MERTK: variants seen among roughly 807,000 people sequenced by gnomAD.
MERTK encodes tyrosine-protein kinase Mer.
MERTK carries 69 observed loss-of-function variants against 99.3 expected under a neutral mutation model. The observed-to-expected ratio is 0.70, with a 90% CI of 0.57 to 0.85. The LOEUF is 0.85. MERTK is among the 40% of genes least tolerant of loss of function. The pLI, the probability that MERTK is intolerant of heterozygous loss-of-function variation, is 0.00. For missense variants in MERTK, 1,125 were observed against 1,249.4 expected (o/e 0.90, Z 1.50); for synonymous variants, 426 against 467.6 (o/e 0.91, Z 1.15).
Position 111,929,241 on chromosome 2 carries a change from T to C in MERTK, c.183T>C (p.Pro61=). ...TTCCTCACGCCAGTGGGTACCAGCC[T>C]GCCTTGATGTTTTCACCAACCCAGC... ...LSLPHASGYQ[P]ALMFSPTQPG... is the part of the protein sequence containing the mutation. Residue 61 remains proline (P), a synonymous_variant, in exon 2 of 19, where the codon CCT becomes CCC. Coordinates refer to ENST00000295408, the MANE Select transcript of MERTK (RefSeq NM_006343.3). 6.2e-7 allele frequency: 1 copy of C among 1,614,226 alleles called. No individual in the cohort carries two copies. Among genetic ancestry groups the C allele is most frequent in the Non-Finnish European group, 8.5e-7 (1 of 1,180,038 alleles).
rs370201392 is a variant in MERTK, at chr2:111,929,475, G to A, written c.417G>A (p.Gly139=). ...SWWKDGKELL[G]AHHAITQFYP... ...GGAAAGATGGGAAGGAATTGCTTGGGGCACATCATGCAATTACACAGTTTT... is the reference window on the plus strand; with the variant it reads ...GGAAAGATGGGAAGGAATTGCTTGGAGCACATCATGCAATTACACAGTTTT... Residue 139 remains glycine, a synonymous_variant, in exon 2 of 19, where the codon GGG becomes GGA. Coordinates refer to ENST00000295408, the MANE Select transcript of MERTK (RefSeq NM_006343.3). The A allele has an allele frequency of 4.0e-5, 65 of 1,613,946 alleles. No homozygotes were observed. The African/African-American group carries it at 8.4e-4, about 21-fold the overall frequency.
Position 112,000,004 on chromosome 2 carries a change from C to T in MERTK, c.1605-1197C>T, listed in dbSNP as rs531376339. On this transcript the variant is annotated intron_variant, in intron 10 of 18. Coordinates refer to ENST00000295408, the MANE Select transcript of MERTK (RefSeq NM_006343.3). The stretch of plus-strand genomic sequence containing the variant: ...GAGGGTGTATCATACAAAGTACATT[C>T]GCAAGGGTGGGGGAATACCACAAAG... 1.1e-4 allele frequency among the ~76,000 whole-genome samples: 16 copies of T among 152,112 alleles called. No homozygotes were observed. In the East Asian group the frequency reaches 1.5e-3, roughly 15 times the overall value.
chr2:112,003,288 ACT>A, intron 12 of MERTK, 101 bp downstream of exon 12: 1 of 678,424 alleles, frequency 1.5e-6, no homozygotes, highest in Admixed American at 2.1e-5. Context: ...GCATCTCAGG[ACT>A]CTGAGTTATA....
intron 6 of MERTK, 107 bp from the exon 7 acceptor site, chr2:111,975,182 C>G (rs1195383301): frequency 4.7e-6 from 5 of 1,058,080 alleles, no homozygotes; most frequent in Non-Finnish European, 7.4e-6. Context: ...CAGGTCCTTC[C>G]CCTTAGCGTA....
intron 2 of MERTK, chr2:111,940,777 G>T: frequency 2.0e-6 from 2 of 1,019,924 alleles, no homozygotes; most frequent in Non-Finnish European, 3.1e-6. Context: ...AAATCTAACA[G>T]CTAAACCAAG....
chr2:112,021,808 C>T (rs1677356594), intron 17 of MERTK, among the ~76,000 whole-genome samples: 1 of 152,022 alleles, frequency 6.6e-6, no homozygotes, highest in South Asian at 2.1e-4. Flanking sequence ...TTGCAAAAGC[C>T]CTTAATTTCT....
chr2:111,908,993 A>C (rs1374245271), intron 1 of MERTK, among the ~76,000 whole-genome samples: 1 of 152,290 alleles, frequency 6.6e-6, no homozygotes, highest in Non-Finnish European at 1.5e-5. Flanking sequence ...GAAGAAATAC[A>C]AATGGCTAAC....
At chr2:111,982,156 G>A (rs1409324936) in intron 7 of MERTK, among the ~76,000 whole-genome samples, 1 of 151,608 alleles carries the variant, frequency 6.6e-6, no homozygotes, top group Non-Finnish European at 1.5e-5. Flanking sequence ...ACTTTCCAGG[G>A]TCAAGTGATC....
intron 15 of MERTK, among the ~76,000 whole-genome samples, chr2:112,012,175 G>C (rs1677118691): frequency 6.6e-6 from 1 of 152,172 alleles, no homozygotes; most frequent in African/African-American, 2.4e-5. Context: ...CCCATATGCT[G>C]TGGGGTCTGC....
intron 18 of MERTK, among the ~76,000 whole-genome samples, chr2:112,027,608 A>G (rs1332357881): frequency 6.6e-6 from 1 of 152,100 alleles, no homozygotes; most frequent in Non-Finnish European, 1.5e-5. Flanking sequence ...ACTTGGACGC[A>G]GGAGTTGTCC....
At chr2:111,985,459 A>G (rs1676457695) in intron 8 of MERTK, among the ~76,000 whole-genome samples, 1 of 152,208 alleles carries the variant, frequency 6.6e-6, no homozygotes, top group Admixed American at 6.5e-5. Context: ...GTGATCATGG[A>G]AAGCATGCTT....
intron 13 of MERTK, among the ~76,000 whole-genome samples, chr2:112,004,786 T>G (rs1228786168): frequency 6.6e-6 from 1 of 152,004 alleles, no homozygotes; most frequent in Admixed American, 6.5e-5. Context: ...GACACACACC[T>G]GTAATCCCAG....
chr2:111,929,235 C>T lies in MERTK; in HGVS notation c.177C>T (p.Tyr59=). 1.9e-6 allele frequency: 3 copies of T among 1,614,182 alleles called. No homozygotes were observed. The highest frequency in any genetic ancestry group is 2.5e-6 in the Non-Finnish European group (3 of 1,180,030). ...TATCCCTTCCTCACGCCAGTGGGTA[C>T]CAGCCTGCCTTGATGTTTTCACCAA... ...PLLSLPHASG[Y]QPALMFSPTQ... Residue 59 remains tyrosine (Y), a synonymous_variant, in exon 2 of 19, where the codon TAC becomes TAT. Coordinates refer to ENST00000295408, the MANE Select transcript of MERTK (RefSeq NM_006343.3).
At chr2:112,012,559 A>G (rs1677128657) in intron 15 of MERTK, among the ~76,000 whole-genome samples, 2 of 152,098 alleles carry the variant, frequency 1.3e-5, no homozygotes, top group Non-Finnish European at 2.9e-5. Flanking sequence ...TCATGAGCGT[A>G]TCCATCCTCA....
At chr2:111,987,870 C>G (rs771792157) in intron 8 of MERTK, among the ~76,000 whole-genome samples, 1 of 151,926 alleles carries the variant, frequency 6.6e-6, no homozygotes, top group Non-Finnish European at 1.5e-5. Context: ...TTATGGAGTT[C>G]GTTGCTTTGG....
chr2:111,944,763 A>G (rs909116100), intron 2 of MERTK, among the ~76,000 whole-genome samples, 197 bp from the exon 3 acceptor site: 20 of 152,202 alleles, frequency 1.3e-4, no homozygotes, highest in Non-Finnish European at 2.9e-4. Flanking sequence ...TTTAAATGCT[A>G]GTGACATGTG....
intron 2 of MERTK, among the ~76,000 whole-genome samples, chr2:111,931,703 A>C (rs1297074246): frequency 6.6e-6 from 1 of 151,898 alleles, no homozygotes; most frequent in East Asian, 1.9e-4. Flanking sequence ...AAAAAAAAAA[A>C]AGAAGTGAAT....
At chr2:112,009,610 A>C (rs1355789928) in intron 14 of MERTK, among the ~76,000 whole-genome samples, 1 of 152,088 alleles carries the variant, frequency 6.6e-6, no homozygotes, top group South Asian at 2.1e-4. Context: ...TGTGTCTTTC[A>C]TTTCCTAGGC....
chr2:111,966,538 T>C (rs2104723871), intron 5 of MERTK, among the ~76,000 whole-genome samples: 1 of 152,338 alleles, frequency 6.6e-6, no homozygotes, highest in Non-Finnish European at 1.5e-5. Context: ...AATTTAAAAA[T>C]GTATAAAATG....
Sources: allele counts gnomAD v4.1 joint callset (sites outside exome capture counted in the v4.1 genomes callset), GRCh38; gene constraint gnomAD v4.1.1; transcripts MANE v1.5; gene names NCBI Gene and HGNC (gene_info 2026-07-23, HGNC 2026-07-21).